The following PPP1R21 variants were observed in gnomAD, a reference collection of about 807,000 sequenced individuals.
PPP1R21 encodes the protein KLRAQ motif containing 1.
A neutral mutation model predicts 112.8 loss-of-function variants in PPP1R21; 85 were observed. The ratio of observed to expected loss-of-function variants is 0.75; its 90% CI spans 0.63 to 0.90. The LOEUF is 0.90. Ranked by LOEUF, PPP1R21 falls within the 40% of genes least tolerant of loss-of-function variation. PPP1R21 has a pLI of 0.00. For synonymous variants in PPP1R21, 381 were observed against 322.3 expected (o/e 1.18, Z -1.95); for missense variants, 1,199 against 901.5 (o/e 1.33, Z -4.23).
intron 21 of PPP1R21, among the ~76,000 whole-genome samples, chr2:48,512,660 A>G (rs1334501022): frequency 7.2e-5 from 11 of 152,200 alleles, no homozygotes; most frequent in Admixed American, 6.5e-4. Flanking sequence ...TTGTTTATCA[A>G]CATAGTTTCG....
At chr2:48,459,979 C>G in intron 5 of PPP1R21, 61 bp downstream of exon 5, 2 of 1,590,950 alleles carry the variant, frequency 1.3e-6, no homozygotes, top group South Asian at 2.2e-5. Context: ...AATAAATTGT[C>G]TATCCACTTA....
intron 14 of PPP1R21, 91 bp from the exon 15 acceptor site, chr2:48,490,927 A>G (rs1219162209): frequency 1.8e-6 from 2 of 1,113,340 alleles, no homozygotes; most frequent in East Asian, 2.5e-5. Flanking sequence ...CATTCTCAAC[A>G]TCTTTAAACT....
chr2:48,514,073 CTTTTTTTTTT>C (rs1225415838), intron 21 of PPP1R21, among the ~76,000 whole-genome samples: 1 of 89,892 alleles, frequency 1.1e-5, no homozygotes, highest in Admixed American at 1.3e-4. Flanking sequence ...GAGACATGTT[CTTTTTTTTTT>C]TTTTTTTTTT....
At chr2:48,475,487 A>G (rs1179131819) in intron 12 of PPP1R21, among the ~76,000 whole-genome samples, 1 of 152,170 alleles carries the variant, frequency 6.6e-6, no homozygotes, top group Non-Finnish European at 1.5e-5. Flanking sequence ...CAGCTTTCCA[A>G]CAAGTAGCGT....
At chr2:48,478,134 G>T (rs1277689210) in intron 12 of PPP1R21, among the ~76,000 whole-genome samples, 2 of 152,204 alleles carry the variant, frequency 1.3e-5, no homozygotes, top group African/African-American at 4.8e-5. Flanking sequence ...AGGCAAGAAA[G>T]AATTCTCCCT....
At chr2:48,452,017 C>T (rs1454090637) in intron 2 of PPP1R21, among the ~76,000 whole-genome samples, 4 of 152,128 alleles carry the variant, frequency 2.6e-5, no homozygotes, top group South Asian at 4.1e-4. Context: ...AACACCCCAC[C>T]CATACTTCCA....
chr2:48,479,620 A>G, intron 12 of PPP1R21: 4 of 564,082 alleles, frequency 7.1e-6, no homozygotes, highest in Non-Finnish European at 1.4e-5. Flanking sequence ...ATTATATAAT[A>G]ACAAGGTAAA....
At chr2:48,463,966 A>G (rs1668092323) in intron 7 of PPP1R21, among the ~76,000 whole-genome samples, 1 of 151,976 alleles carries the variant, frequency 6.6e-6, no homozygotes, top group Non-Finnish European at 1.5e-5. Flanking sequence ...GGTTTGGGAT[A>G]GATGCCATGG....
intron 1 of PPP1R21, among the ~76,000 whole-genome samples, chr2:48,443,048 G>T (rs548620188): frequency 6.6e-5 from 10 of 152,176 alleles, no homozygotes; most frequent in Non-Finnish European, 1.2e-4. Context: ...TAAAGTTAGT[G>T]ACCTCTGGGG....
At chr2:48,491,827 A>C (rs1348195301) in intron 15 of PPP1R21, among the ~76,000 whole-genome samples, 1 of 152,084 alleles carries the variant, frequency 6.6e-6, no homozygotes, top group Admixed American at 6.5e-5. Context: ...TACATGACTC[A>C]AGGGACATCA....
chr2:48,507,209 T>TC (rs1306677808), intron 18 of PPP1R21, 60 bp from the exon 19 acceptor site: 6 of 1,374,704 alleles, frequency 4.4e-6, no homozygotes, highest in Non-Finnish European at 5.6e-6. Flanking sequence ...TTTTTTTTTT[T>TC]CTAGAAATGC....
At chr2:48,511,725 G>T (rs989299485) in intron 21 of PPP1R21, among the ~76,000 whole-genome samples, 1 of 151,318 alleles carries the variant, frequency 6.6e-6, no homozygotes, top group African/African-American at 2.4e-5. Flanking sequence ...GAAAAAATAA[G>T]CCAAGCATGA....
intron 6 of PPP1R21, 107 bp from the exon 7 acceptor site, chr2:48,461,031 G>T (rs1667953124): frequency 1.4e-6 from 2 of 1,460,682 alleles, no homozygotes; most frequent in Non-Finnish European, 1.8e-6. Context: ...CCAGATGTCA[G>T]GTGCAGTTCT....
At chr2:48,507,507 A>G (rs537577936) in intron 19 of PPP1R21, 122 bp downstream of exon 19, 14 of 1,429,732 alleles carry the variant, frequency 9.8e-6, no homozygotes, top group Middle Eastern at 1.8e-4. Context: ...AGCTGGGACT[A>G]TGGGTGTGTA....
At position 48,511,463 on chromosome 2, in the gene PPP1R21, A is replaced by C; in HGVS notation, c.2308A>C (p.Ser770Arg). ...REEIDTLKMSSKGNSKKNKSR is the reference protein window; with the variant it reads ...REEIDTLKMSRKGNSKKNKSR ...AGAGATTGACACACTAAAGATGTCCAGTAAGGTATGTGAGGTGAGGTGAGG... is the reference window on the plus strand; with the variant it reads ...AGAGATTGACACACTAAAGATGTCCCGTAAGGTATGTGAGGTGAGGTGAGG... Residue 770 changes from serine to arginine, a missense_variant, in exon 21 of 22, where the codon AGT (serine) becomes CGT (arginine). Physicochemically the swap from Ser to Arg is moderately radical, Grantham distance 110. Transcript: ENST00000294952. 6.2e-7 allele frequency: 1 copy of C among 1,613,538 alleles called. No homozygotes were observed. The highest frequency in any genetic ancestry group is 8.5e-7 in the Non-Finnish European group (1 of 1,179,836).
At chr2:48,496,074 A>G (rs866947969) in intron 16 of PPP1R21, among the ~76,000 whole-genome samples, 17 of 152,328 alleles carry the variant, frequency 1.1e-4, no homozygotes, top group Middle Eastern at 6.8e-3. Context: ...ATACCAAAGT[A>G]TAAGAGGGGG....
chr2:48,507,998 C>T (rs1010306416), intron 19 of PPP1R21, among the ~76,000 whole-genome samples: 1 of 151,156 alleles, frequency 6.6e-6, no homozygotes, highest in Non-Finnish European at 1.5e-5. Context: ...CTCCTGACCT[C>T]AGGTGATCTG....
intron 20 of PPP1R21, 70 bp from the exon 21 acceptor site, chr2:48,511,269 GT>G: frequency 6.8e-7 from 1 of 1,470,840 alleles, no homozygotes; most frequent in Non-Finnish European, 9.1e-7. Flanking sequence ...TTTTTCTTTT[GT>G]GAATTAAAAA....
At chr2:48,477,533 G>A (rs985807868) in intron 12 of PPP1R21, among the ~76,000 whole-genome samples, 2 of 152,168 alleles carry the variant, frequency 1.3e-5, no homozygotes, top group Non-Finnish European at 2.9e-5. Context: ...TGGAGAATCA[G>A]TTGACTGTAG....
Sources: gnomAD v4.1 joint callset for allele counts (sites outside exome capture counted in the v4.1 genomes callset) on GRCh38, gnomAD v4.1.1 for gene constraint, MANE v1.5 for transcripts, NCBI Gene and HGNC (gene_info 2026-07-23, HGNC 2026-07-21) for gene names.